Variants in PI4KA observed in about 807,000 individuals in gnomAD.
The protein encoded by PI4KA is phosphatidylinositol 4-kinase alpha, also known as PI4-kinase alpha.
PI4KA carries 122 observed loss-of-function variants against 271.4 expected under a neutral mutation model. That is an observed-to-expected ratio of 0.45 (90% CI 0.39 to 0.52). PI4KA has a LOEUF of 0.52. Ranked by LOEUF, PI4KA falls within the 20% of genes least tolerant of loss-of-function variation. PI4KA has a pLI of 0.00. For missense variants in PI4KA, 1,969 were observed against 2,769.1 expected (o/e 0.71, Z 6.48); for synonymous variants, 1,041 against 1,078.8 (o/e 0.96, Z 0.69).
At chr22:20,714,290 G>A (rs1568945948) in intron 47 of PI4KA, among the ~76,000 whole-genome samples, 168 bp downstream of exon 47, 1 of 152,216 alleles carries the variant, frequency 6.6e-6, no homozygotes, top group Non-Finnish European at 1.5e-5. Context: ...CAGTGCATTT[G>A]AGCTCCCTGC....
At position 20,807,503 on chromosome 22, in the gene PI4KA, T is replaced by C. The variant is rs1321191337; in HGVS notation, c.1072-45A>G. 5 of 1,142,042 alleles carry C rather than the reference T, an allele frequency of 4.4e-6. No homozygotes were observed. In the Admixed American group the frequency reaches 7.1e-5, roughly 16 times the overall value. The allele number at this position is 1,142,042 out of a possible 1,614,324, so 70.7% of individuals were successfully genotyped here. ...ACATGACTATAGAACAGAAATGCCC[T>C]TCTGCCCACCCTTTGCCTTCACAGC... On this transcript the variant is annotated intron_variant, in intron 9 of 54. Transcript: ENST00000255882.
At chr22:20,745,256 C>T (rs1445574224) in intron 29 of PI4KA, among the ~76,000 whole-genome samples, 1 of 152,196 alleles carries the variant, frequency 6.6e-6, no homozygotes, top group Non-Finnish European at 1.5e-5. Flanking sequence ...CTCCACCCCT[C>T]CAGCCACTCT....
chr22:20,717,828 G>A lies in PI4KA; in HGVS notation c.5247-50C>T, dbSNP rs781469193. ...GCTTTGTCTCCTGGAGGAACTGGCT[G>A]CTGGGGGACAGCCCAGGGCCCCTCC... On this transcript the variant is annotated intron_variant, in intron 44 of 54. Coordinates refer to ENST00000255882, the MANE Select transcript of PI4KA (RefSeq NM_058004.4). The A allele has an allele frequency of 5.2e-5, 73 of 1,395,324 alleles. No individual in the cohort carries two copies. The Middle Eastern group carries it at 6.4e-4, about 12-fold the overall frequency. The allele number at this position is 1,395,324 out of a possible 1,614,324, so 86.4% of individuals were successfully genotyped here.
chr22:20,814,271 T>C (rs934173078), intron 7 of PI4KA, among the ~76,000 whole-genome samples: 20 of 152,128 alleles, frequency 1.3e-4, no homozygotes, highest in Non-Finnish European at 2.8e-4. Flanking sequence ...ACGATCCCAC[T>C]TATTAGAGGA....
intron 3 of PI4KA, among the ~76,000 whole-genome samples, chr22:20,832,318 C>T (rs1166661146): frequency 6.6e-6 from 1 of 151,768 alleles, no homozygotes. Flanking sequence ...GGTTTCATCA[C>T]CTTGGCAAGG....
At position 20,805,041 on chromosome 22, in the gene PI4KA, G is replaced by C. The variant is rs1303699899; in HGVS notation, c.1293C>G (p.Leu431=). The C allele has an allele frequency of 1.2e-6, 2 of 1,614,168 alleles. No homozygotes were observed. Among genetic ancestry groups the C allele is most frequent in the Admixed American group, 1.7e-5 (1 of 60,034 alleles). ...ADRIHNELSP[L]KLRCQANAAC... is the part of the protein sequence containing the mutation. ...CAGCATTCGCCTGACAGCGCAGTTTGAGGGGGCTCAGCTCATTGTGGATCC... is the reference window on the plus strand; with the variant it reads ...CAGCATTCGCCTGACAGCGCAGTTTCAGGGGGCTCAGCTCATTGTGGATCC... The change falls in exon 11 of 55, where the codon CTC becomes CTG. Residue 431 remains leucine, a synonymous_variant. Coordinates refer to ENST00000255882, the MANE Select transcript of PI4KA (RefSeq NM_058004.4).
At chr22:20,784,889 T>C (rs1934089849) in intron 19 of PI4KA, among the ~76,000 whole-genome samples, 2 of 152,242 alleles carry the variant, frequency 1.3e-5, no homozygotes, top group South Asian at 4.1e-4. Flanking sequence ...AACCTCCTTA[T>C]AGGACAAGAA....
At chr22:20,809,933 G>A (rs1309207822) in intron 9 of PI4KA, among the ~76,000 whole-genome samples, 1 of 152,156 alleles carries the variant, frequency 6.6e-6, no homozygotes, top group Non-Finnish European at 1.5e-5. Context: ...GAAGGGCCCT[G>A]GTAGTTCCTT....
intron 51 of PI4KA, 101 bp downstream of exon 51, chr22:20,711,240 G>A: frequency 1.1e-5 from 8 of 707,692 alleles, no homozygotes; most frequent in Non-Finnish European, 1.9e-5. Context: ...ACTCCTGGCA[G>A]GGTGGTCCTG....
intron 17 of PI4KA, among the ~76,000 whole-genome samples, chr22:20,797,835 C>T (rs540231371): frequency 1.5e-3 from 221 of 152,246 alleles, no homozygotes; most frequent in African/African-American, 4.5e-3. Flanking sequence ...GGGAGGAGCC[C>T]GGAGGTCAAG....
Position 20,819,718 on chromosome 22 carries a change from G to C in PI4KA, c.712C>G (p.Leu238Val). The C allele has an allele frequency of 6.2e-7, 1 of 1,613,948 alleles. No individual in the cohort carries two copies. The highest frequency in any genetic ancestry group is 8.5e-7 in the Non-Finnish European group (1 of 1,179,900). ...CAGACAGTCAGCAGATTGCTGGGGAGGATGGAGCGGAAGTCATTAAAGGAA... is the reference window on the plus strand; with the variant it reads ...CAGACAGTCAGCAGATTGCTGGGGACGATGGAGCGGAAGTCATTAAAGGAA... ...RRSFNDFRSI[L>V]PSNLLTVCQE... Residue 238 changes from leucine (L) to valine (V), a missense_variant, in exon 6 of 55, where the codon CTC becomes GTC. Transcript: ENST00000255882.
At chr22:20,724,031 G>C (rs983949331) in intron 42 of PI4KA, among the ~76,000 whole-genome samples, 2 of 151,622 alleles carry the variant, frequency 1.3e-5, no homozygotes, top group Admixed American at 1.3e-4. Flanking sequence ...GTAGAGACGG[G>C]GTTTCACTCT....
At chr22:20,856,655 A>G (rs1323760176) in intron 1 of PI4KA, among the ~76,000 whole-genome samples, 1 of 151,964 alleles carries the variant, frequency 6.6e-6, no homozygotes, top group African/African-American at 2.4e-5. Context: ...GCTGGTCTCA[A>G]ACTCCGACCT....
At chr22:20,746,145 C>T (rs2147303644) in intron 29 of PI4KA, among the ~76,000 whole-genome samples, 1 of 144,784 alleles carries the variant, frequency 6.9e-6, no homozygotes, top group East Asian at 2.1e-4. Context: ...TCACTGCAAG[C>T]TCCGCCTCCC....
rs756526944 is a variant in PI4KA, at chr22:20,838,655, A to G, written c.233T>C (p.Val78Ala). 8 of 1,612,188 alleles carry G rather than the reference A, an allele frequency of 5.0e-6. No homozygotes were observed. The highest frequency in any genetic ancestry group is 5.9e-6 in the Non-Finnish European group (7 of 1,178,240). ...AATCAGAAAAATGCCCAATGCAATC[A>G]CTGCATCTCTCCGTCTTTCATCTAA... ...FQLDERRRDA[V>A]IALGIFLIES... Residue 78 changes from valine (V) to alanine (A), a missense_variant, in exon 2 of 55, where the codon GTG (valine) becomes GCG (alanine). Physicochemically the swap from Val to Ala is moderately conservative, Grantham distance 64. Around this residue, in one of 13 missense-constraint regions of PI4KA, gnomAD observed 540 missense variants for 555.5 expected, o/e 0.97. Transcript: ENST00000255882.
intron 19 of PI4KA, among the ~76,000 whole-genome samples, chr22:20,789,331 ATTTAT>A (rs1291665472): frequency 2.6e-5 from 4 of 152,050 alleles, no homozygotes; most frequent in African/African-American, 4.8e-5. Flanking sequence ...TTATTTATTC[ATTTAT>A]TTTATTTTTT....
intron 36 of PI4KA, among the ~76,000 whole-genome samples, chr22:20,732,426 C>T (rs1404618182): frequency 6.6e-6 from 1 of 152,124 alleles, no homozygotes; most frequent in African/African-American, 2.4e-5. Context: ...TTCGGCATAC[C>T]CTTCCCTGGA....
In PI4KA at chr22:20,744,674, G is replaced by T. The variant is rs1172366250; in HGVS notation, c.3410C>A (p.Ser1137Tyr). 1.9e-6 allele frequency: 3 copies of T among 1,614,218 alleles called. No homozygotes were observed. Among genetic ancestry groups the T allele is most frequent in the Admixed American group, 3.3e-5 (2 of 60,030 alleles). Residue 1137 changes from serine to tyrosine, a missense_variant, in exon 30 of 55, where the codon TCC (serine) becomes TAC (tyrosine). This residue lies in a region of PI4KA where 203 missense variants were observed against 256.8 expected (regional missense o/e 0.79). Coordinates refer to ENST00000255882, the MANE Select transcript of PI4KA (RefSeq NM_058004.4). ...CAGATTCAGGGATGCCATGAAGTTGGAGTAGTCTTTCTTCACACAGGCCGG... is the reference window on the plus strand; with the variant it reads ...CAGATTCAGGGATGCCATGAAGTTGTAGTAGTCTTTCTTCACACAGGCCGG... ...ERPACVKKDY[S>Y]NFMASLNLRN... is the part of the protein sequence containing the mutation.
intron 1 of PI4KA, among the ~76,000 whole-genome samples, chr22:20,850,439 T>A (rs2078588616): frequency 7.1e-6 from 1 of 140,350 alleles, no homozygotes; most frequent in African/African-American, 2.6e-5. Context: ...TAAATACTCA[T>A]TTAAAAAAAA....
Sources: allele counts gnomAD v4.1 joint callset (sites outside exome capture counted in the v4.1 genomes callset), GRCh38; gene constraint gnomAD v4.1.1; regional missense constraint gnomAD v4.1.1; transcripts MANE v1.5; gene names NCBI Gene and HGNC (gene_info 2026-07-23, HGNC 2026-07-21).